GRM6: variants seen among roughly 807,000 people sequenced by gnomAD.
GRM6 encodes glutamate metabotropic receptor 6.
Under a neutral mutation model 78.4 loss-of-function variants are expected in GRM6, and 73 were observed. The observed-to-expected ratio is 0.93, with a 90% CI of 0.77 to 1.13. The LOEUF is 1.13. Ranked by LOEUF, GRM6 falls within the 50% of genes most tolerant of loss-of-function variation. GRM6 has a pLI of 0.00. For synonymous variants in GRM6, 580 were observed against 555.0 expected, an observed-to-expected ratio of 1.05 and a Z score of -0.63; for missense variants, 1,251 against 1,256.4, an observed-to-expected ratio of 1.00 and a Z score of 0.07.
In GRM6 at chr5:178,986,385, G is replaced by A; in HGVS notation, c.1869C>T (p.Leu623=). 1.2e-6 allele frequency: 2 copies of A among 1,613,990 alleles called. No homozygotes were observed. Among genetic ancestry groups the A allele is most frequent in the South Asian group, 1.1e-5 (1 of 91,080 alleles). Residue 623 remains leucine, a synonymous_variant, in exon 9 of 11, where the codon CTC becomes CTT. Coordinates refer to ENST00000517717, the MANE Select transcript of GRM6 (RefSeq NM_000843.4). Reference sequence around the variant, plus strand: ...AGATGCCGGTGAGGAGGACGTAGCTGAGCTCTCGGCCCGAGGCCCGGACGA... The same window carrying A: ...AGATGCCGGTGAGGAGGACGTAGCTAAGCTCTCGGCCCGAGGCCCGGACGA... ...TPIVRASGRE[L]SYVLLTGIFL...
Position 178,992,149 on chromosome 5 carries a change from G to T in GRM6, c.505-66C>A. The T allele has an allele frequency of 1.8e-6, 2 of 1,096,152 alleles. No homozygotes were observed. The highest frequency in any genetic ancestry group is 2.4e-5 in the East Asian group (1 of 41,240). 67.9% of individuals were successfully genotyped at this position (1,096,152 alleles called of 1,614,324 possible). A position where few individuals can be genotyped will look rare whatever the true frequency, so the allele number is the denominator to read the frequency against. ...AGTAACTCAAGAGAGGGAGGGTAAG[G>T]GGGGCCCAGGACACGGACGGGGCAC... On this transcript the variant is annotated intron_variant, in intron 2 of 10. Coordinates refer to ENST00000517717, the MANE Select transcript of GRM6 (RefSeq NM_000843.4). The surrounding 1 kb of genome is among the most constrained non-coding windows in gnomAD (Gnocchi z 4.9).
chr5:178,995,106 G>A (rs556788861), intron 1 of GRM6, 146 bp from the exon 2 acceptor site: 241 of 290,338 alleles, frequency 8.3e-4, no homozygotes, highest in African/African-American at 4.8e-3. Context: ...TAGCTCAGCC[G>A]GCCTGCCCGG....
rs1760360680 is a variant in GRM6, at chr5:178,980,044, G to C, written c.*1613C>G. 1.3e-5 allele frequency: 2 copies of C among 154,372 alleles called. No homozygotes were observed. Among genetic ancestry groups the C allele is most frequent in the Non-Finnish European group, 2.9e-5 (2 of 68,224 alleles). 9.6% of individuals were successfully genotyped at this position (154,372 alleles called of 1,614,324 possible). On this transcript the variant is annotated 3_prime_UTR_variant, in exon 11 of 11. Transcript: ENST00000517717. This position sits in a 1 kb window ranked among gnomAD's most constrained non-coding sequence, Gnocchi z 4.3. ...CAACAAATGTGGAGAAGGAGAGTCA[G>C]TAGCGCAACAGAAATGTTTCTCAGA... is the stretch of plus-strand genomic sequence containing the variant.
In GRM6 at chr5:178,986,505, G is replaced by T. The variant is rs747179681; in HGVS notation, c.1749C>A (p.Ser583=). The T allele has an allele frequency of 6.2e-7, 1 of 1,609,636 alleles. No individual in the cohort carries two copies. The highest frequency in any genetic ancestry group is 8.5e-7 in the Non-Finnish European group (1 of 1,178,862). The change falls in exon 9 of 11, where the codon TCC becomes TCA. Residue 583 remains serine (S), a synonymous_variant. Coordinates refer to ENST00000517717, the MANE Select transcript of GRM6 (RefSeq NM_000843.4). The part of the protein sequence containing the change: ...PTPVVRLSWS[S]PWAAPPLLLA... The stretch of plus-strand genomic sequence containing the variant: ...GGAGGAGCGGCGGGGCTGCCCAGGG[G>T]GAGGACCAGCTCAGGCGCACCACAG...
At chr5:178,982,545 C>A (rs1308862504) in intron 10 of GRM6, among the ~76,000 whole-genome samples, 2 of 126,624 alleles carry the variant, frequency 1.6e-5, no homozygotes, top group Non-Finnish European at 3.1e-5. Flanking sequence ...CCACTGCACT[C>A]CAGCCTGGGC....
intron 1 of GRM6, 65 bp from the exon 2 acceptor site, chr5:178,995,025 C>A (rs894195844): frequency 5.5e-6 from 5 of 910,128 alleles, no homozygotes; most frequent in Non-Finnish European, 6.7e-6. Context: ...GGGCTCGGGG[C>A]GCGGGGAGGG....
Position 178,992,322 on chromosome 5 carries a change from G to GCC in GRM6, c.505-240_505-239insGG. 3.1e-6 allele frequency: 2 copies of GCC among 655,310 alleles called. No homozygotes were observed. Among genetic ancestry groups the GCC allele is most frequent in the South Asian group, 1.5e-5 (1 of 66,290 alleles). The allele number at this position is 655,310 out of a possible 1,614,324, so 40.6% of individuals were successfully genotyped here. ...TGAGAATTCCGTGAATGCTGTGCAG[G>GCC]TGGGAGGTATGCAGGGCTGGGGAGA... On this transcript the variant is annotated intron_variant, in intron 2 of 10. Coordinates refer to ENST00000517717, the MANE Select transcript of GRM6 (RefSeq NM_000843.4). The surrounding 1 kb of genome is among the most constrained non-coding windows in gnomAD (Gnocchi z 4.9).
intron 9 of GRM6, chr5:178,985,527 C>A: frequency 2.9e-6 from 1 of 339,298 alleles, no homozygotes; most frequent in Non-Finnish European, 5.8e-6. Flanking sequence ...CACGGTGAAG[C>A]CCTGTCTCTA....
Position 178,992,133 on chromosome 5 carries a change from A to C in GRM6, c.505-50T>G, listed in dbSNP as rs1199591514. 9 of 1,342,640 alleles carry C rather than the reference A, an allele frequency of 6.7e-6. No individual in the cohort carries two copies. The highest frequency in any genetic ancestry group is 9.6e-6 in the Non-Finnish European group (9 of 940,024). The allele number at this position is 1,342,640 out of a possible 1,614,324, so 83.2% of individuals were successfully genotyped here. The stretch of plus-strand genomic sequence containing the variant: ...GCTGTGGATGGAGGTCAGTAACTCA[A>C]GAGAGGGAGGGTAAGGGGGGCCCAG... On this transcript the variant is annotated intron_variant, in intron 2 of 10. Coordinates refer to ENST00000517717, the MANE Select transcript of GRM6 (RefSeq NM_000843.4). The surrounding 1 kb of genome is among the most constrained non-coding windows in gnomAD (Gnocchi z 4.9).
chr5:178,983,350 C>CGTG, intron 9 of GRM6, 129 bp from the exon 10 acceptor site: 1 of 821,000 alleles, frequency 1.2e-6, no homozygotes. Flanking sequence ...TCCACCTCTT[C>CGTG]GTGGTGGCTC....
Position 178,981,173 on chromosome 5 carries a change from C to T in GRM6, c.*484G>A, listed in dbSNP as rs1760388891. On this transcript the variant is annotated 3_prime_UTR_variant, in exon 11 of 11. Transcript: ENST00000517717. The surrounding 1 kb of genome is among the most constrained non-coding windows in gnomAD (Gnocchi z 5.1). Reference sequence around the variant, plus strand: ...GAATCCTACCCAGGCCTGAGTGCCTCCATCCAGATGCACAGCCCCAGGTCT... The same window carrying T: ...GAATCCTACCCAGGCCTGAGTGCCTTCATCCAGATGCACAGCCCCAGGTCT... The T allele has an allele frequency of 5.6e-6, 1 of 177,772 alleles. No individual in the cohort carries two copies. The highest frequency in any genetic ancestry group is 5.5e-5 in the Admixed American group (1 of 18,322). The allele number at this position is 177,772 out of a possible 1,614,324, so 11.0% of individuals were successfully genotyped here.
rs370530613 is a variant in GRM6 at position 178,985,519 on chromosome 5, C to T, written c.2124+611G>A. The T allele has an allele frequency of 1.0e-3, 340 of 337,428 alleles. 1 individual carries two copies. Among genetic ancestry groups the T allele is most frequent in the Middle Eastern group, 2.2e-3 (2 of 892 alleles). 20.9% of individuals were successfully genotyped at this position (337,428 alleles called of 1,614,324 possible). A position where few individuals can be genotyped will look rare whatever the true frequency, so the allele number is the denominator to read the frequency against. ...GAGATCGAGACCATCCTGGCTAACA[C>T]GGTGAAGCCCTGTCTCTACTAAAAA... On this transcript the variant is annotated intron_variant, in intron 9 of 10. Coordinates refer to ENST00000517717, the MANE Select transcript of GRM6 (RefSeq NM_000843.4).
In GRM6 at chr5:178,986,735, AC is replaced by A. The variant is rs1239472790; in HGVS notation, c.1518del (p.Trp506CysfsTer26). Reference sequence around the variant, plus strand: ...GAGGGCACCTCGTGGGGGTCGCCAGACCACTGCAGGGCCTCCACCTGGGACG... The same window carrying A: ...GAGGGCACCTCGTGGGGGTCGCCAGACACTGCAGGGCCTCCACCTGGGACG... ...TLRLDVEALQ[W>X]SGDPHEVPSS... On this transcript the variant is annotated frameshift_variant, in exon 9 of 11. Coordinates refer to ENST00000517717, the MANE Select transcript of GRM6 (RefSeq NM_000843.4). LOFTEE classifies it high-confidence loss of function. 6.2e-7 allele frequency: 1 copy of A among 1,606,274 alleles called. No homozygotes were observed. The highest frequency in any genetic ancestry group is 1.7e-5 in the Admixed American group (1 of 59,988).
At chr5:178,984,889 C>T (rs942672380) in intron 9 of GRM6, among the ~76,000 whole-genome samples, 9 of 152,126 alleles carry the variant, frequency 5.9e-5, no homozygotes, top group South Asian at 4.1e-4. Context: ...CCTGAGAACC[C>T]AGCTGGCCCT....
At position 178,980,120 on chromosome 5, in the gene GRM6, A is replaced by G. The variant is rs3733915; in HGVS notation, c.*1537T>C. On this transcript the variant is annotated 3_prime_UTR_variant, in exon 11 of 11. Transcript: ENST00000517717. The surrounding 1 kb of genome is among the most constrained non-coding windows in gnomAD (Gnocchi z 4.3). ...AAAACCTGCAGAAGCACCTAGTCCC[A>G]CGGTCAAAACCAACTGCGCACCAGA... 1.0e-2 allele frequency: 1,540 copies of G among 154,480 alleles called. 76 individuals are homozygous for G. In the East Asian group the frequency reaches 0.14, roughly 14 times the overall value. The allele number at this position is 154,480 out of a possible 1,614,324, so 9.6% of individuals were successfully genotyped here.
At chr5:178,990,087 T>C (rs77920092) in intron 5 of GRM6, 3,868 of 205,282 alleles carry the variant, frequency 0.019, 164 homozygotes, top group African/African-American at 0.083. Flanking sequence ...CCAGGGTCTG[T>C]GTTTCATAAA....
rs1076876 is a variant in GRM6 at position 178,994,858 on chromosome 5, C to G, written c.87G>C (p.Ala29=). 4.5e-4 allele frequency: 546 copies of G among 1,210,026 alleles called. 3 individuals are homozygous for G. The African/African-American group carries it at 7.7e-3, about 17-fold the overall frequency. The allele number at this position is 1,210,026 out of a possible 1,614,324, so 75.0% of individuals were successfully genotyped here. Residue 29 remains alanine, a synonymous_variant, in exon 2 of 11, where the codon GCG becomes GCC. Transcript: ENST00000517717. ...CGCCCGCCAGGCGCACAGAGCCCGCCGCGCGCGCCAGGCCCGCCTGCGCCA... is the reference window on the plus strand; with the variant it reads ...CGCCCGCCAGGCGCACAGAGCCCGCGGCGCGCGCCAGGCCCGCCTGCGCCA... ...AWLAQAGLAR[A]AGSVRLAGGL...
At chr5:178,990,544 G>T (rs756196631) in intron 5 of GRM6, 48 bp downstream of exon 5, 1 of 1,463,028 alleles carries the variant, frequency 6.8e-7, no homozygotes, top group African/African-American at 1.4e-5. Flanking sequence ...CCAAGAGGGG[G>T]TGCTGGGGAG....
At position 178,991,886 on chromosome 5, in the gene GRM6, A is replaced by G. The variant is rs1050353729; in HGVS notation, c.702T>C (p.Val234=). The G allele has an allele frequency of 6.2e-7, 1 of 1,613,806 alleles. No individual in the cohort carries two copies. Residue 234 remains valine, a synonymous_variant, in exon 3 of 11, where the codon GTT becomes GTC. Transcript: ENST00000517717. This position sits in a 1 kb window ranked among gnomAD's most constrained non-coding sequence, Gnocchi z 5.0. ...GCTCACCAGCCTCTCGGGAGATCTG[A>G]ACGAAGGCCTCAACCCCACTTTCGC... is the stretch of plus-strand genomic sequence containing the variant. ...NYGESGVEAF[V]QISREAGGVC... is the part of the protein sequence containing the mutation.
Sources: gnomAD v4.1 joint callset for allele counts (sites outside exome capture counted in the v4.1 genomes callset) on GRCh38, gnomAD v4.1.1 for gene constraint, Gnocchi (gnomAD v3.1) non-coding constraint, MANE v1.5 for transcripts, NCBI Gene and HGNC (gene_info 2026-07-23, HGNC 2026-07-21) for gene names.